PITPNC1: variants seen among roughly 807,000 people sequenced by gnomAD.
PITPNC1 encodes cytoplasmic phosphatidylinositol transfer protein 1.
Under a neutral mutation model 44.7 loss-of-function variants are expected in PITPNC1, and 18 were observed. That is an observed-to-expected ratio of 0.40 (90% CI 0.28 to 0.60). PITPNC1 has a LOEUF of 0.60. Ranked by LOEUF, PITPNC1 falls within the 20% of genes least tolerant of loss-of-function variation. The pLI is 0.39. For synonymous variants in PITPNC1, 141 were observed against 149.6 expected (o/e 0.94, Z 0.42); for missense variants, 290 against 418.4 (o/e 0.69, Z 2.68).
intron 1 of PITPNC1, among the ~76,000 whole-genome samples, chr17:67,427,374 C>G (rs1367444997): frequency 6.6e-6 from 1 of 152,020 alleles, no homozygotes; most frequent in Non-Finnish European, 1.5e-5. Flanking sequence ...CCACGCCCGG[C>G]TAATTTTTTT....
chr17:67,528,952 C>T (rs1345502828), intron 1 of PITPNC1, among the ~76,000 whole-genome samples: 1 of 152,060 alleles, frequency 6.6e-6, no homozygotes, highest in Non-Finnish European at 1.5e-5. Context: ...CCCATGGCCA[C>T]GACCAGCAAA....
intron 1 of PITPNC1, among the ~76,000 whole-genome samples, chr17:67,503,647 G>A (rs567641423): frequency 6.6e-6 from 1 of 152,166 alleles, no homozygotes; most frequent in Non-Finnish European, 1.5e-5. Flanking sequence ...ATCCTAATGG[G>A]GTACAGATGT....
chr17:67,422,007 GTGCGAGA>G, intron 1 of PITPNC1, among the ~76,000 whole-genome samples: 1 of 152,164 alleles, frequency 6.6e-6, no homozygotes, highest in Non-Finnish European at 1.5e-5. Context: ...GAAATTTACA[GTGCGAGA>G]TGAGCCAAGA....
intron 5 of PITPNC1, among the ~76,000 whole-genome samples, chr17:67,625,629 C>T (rs1441149722): frequency 6.6e-6 from 1 of 152,200 alleles, no homozygotes; most frequent in Non-Finnish European, 1.5e-5. Context: ...AATTACACCA[C>T]ATCAGGACCG....
intron 1 of PITPNC1, among the ~76,000 whole-genome samples, chr17:67,416,138 A>C (rs2038584616): frequency 6.6e-6 from 1 of 150,716 alleles, no homozygotes; most frequent in Admixed American, 6.6e-5. Context: ...TTAATTTTGG[A>C]CATAAGACTT....
At chr17:67,386,795 A>C (rs2038061253) in intron 1 of PITPNC1, among the ~76,000 whole-genome samples, 1 of 152,266 alleles carries the variant, frequency 6.6e-6, no homozygotes, top group Admixed American at 6.5e-5. Context: ...AAAACTAGGT[A>C]ACACTTTTGC....
At chr17:67,599,034 A>ATATATATATATATATATT (rs1461493250) in intron 5 of PITPNC1, among the ~76,000 whole-genome samples, 3 of 35,668 alleles carry the variant, frequency 8.4e-5, no homozygotes, top group African/African-American at 1.1e-4. Context: ...ATATATATAT[A>ATATATATATATATATATT]TTTTTTTTTT....
chr17:67,671,290 A>G (rs973658590), intron 7 of PITPNC1, among the ~76,000 whole-genome samples: 2 of 152,188 alleles, frequency 1.3e-5, no homozygotes, highest in African/African-American at 4.8e-5. Context: ...GGGAAATGCA[A>G]TGTTGAGCAT....
intron 5 of PITPNC1, among the ~76,000 whole-genome samples, chr17:67,592,946 G>A (rs2144259433): frequency 6.6e-6 from 1 of 152,300 alleles, no homozygotes; most frequent in African/African-American, 2.4e-5. Flanking sequence ...ACTGAGGCAG[G>A]AGGATCACTT....
At chr17:67,504,772 ATTAAT>A (rs2040079669) in intron 1 of PITPNC1, among the ~76,000 whole-genome samples, 1 of 152,132 alleles carries the variant, frequency 6.6e-6, no homozygotes, top group Non-Finnish European at 1.5e-5. Flanking sequence ...AGGTTAATTA[ATTAAT>A]TTAGGTTTGA....
At chr17:67,624,746 C>A (rs117440544) in intron 5 of PITPNC1, among the ~76,000 whole-genome samples, 11,738 of 151,628 alleles carry the variant, frequency 0.077, 578 homozygotes, top group South Asian at 0.13. Flanking sequence ...TGGTCTCAAA[C>A]TCCTGACCTC....
intron 6 of PITPNC1, among the ~76,000 whole-genome samples, chr17:67,652,192 G>A (rs1426470768): frequency 6.6e-6 from 1 of 152,162 alleles, no homozygotes; most frequent in African/African-American, 2.4e-5. Context: ...ATTAATCATG[G>A]AGACTTCATA....
intron 1 of PITPNC1, among the ~76,000 whole-genome samples, chr17:67,466,456 A>G (rs2039429526): frequency 6.6e-6 from 1 of 152,176 alleles, no homozygotes; most frequent in Admixed American, 6.5e-5. Context: ...TTAGTAGCTG[A>G]AACTCACAGC....
Position 67,471,443 on chromosome 17 carries a change from G to GAATTC in PITPNC1, c.49-61358_49-61357insATTCA, listed in dbSNP as rs759553055. ...ACATTCACATACAAGTCCTTGTGTGGACCTACGTCTTCATTTGAGAGATTT... is the reference window on the plus strand; with the variant it reads ...ACATTCACATACAAGTCCTTGTGTGGAATTCACCTACGTCTTCATTTGAGAGATTT... On this transcript the variant is annotated intron_variant, in intron 1 of 8. Transcript: ENST00000581322. 7.2e-3 allele frequency: 2,615 copies of GAATTC among 360,714 alleles called. 79 individuals are homozygous for GAATTC. In the East Asian group the frequency reaches 0.11, roughly 15 times the overall value. 22.3% of individuals were successfully genotyped at this position (360,714 alleles called of 1,614,324 possible).
chr17:67,485,429 A>G (rs545091717), intron 1 of PITPNC1, among the ~76,000 whole-genome samples: 1 of 135,458 alleles, frequency 7.4e-6, no homozygotes, highest in East Asian at 2.1e-4. Flanking sequence ...CAGTGGTGTG[A>G]TCTTGGCTCA....
chr17:67,468,493 C>A lies in PITPNC1; in HGVS notation c.49-64309C>A, dbSNP rs568653546. ...CTCGGCTCACTGCAAGCTCTGCCTCCCAGGTTCTGGCCATTCTCCTGCCTC... is the reference window on the plus strand; with the variant it reads ...CTCGGCTCACTGCAAGCTCTGCCTCACAGGTTCTGGCCATTCTCCTGCCTC... On this transcript the variant is annotated intron_variant, in intron 1 of 8. Transcript: ENST00000581322. Among the ~76,000 whole-genome samples, 21 of 150,552 alleles carry A rather than the reference C, an allele frequency of 1.4e-4. No individual in the cohort carries two copies. In the South Asian group the frequency reaches 4.2e-3, roughly 30 times the overall value.
rs557195590 is a variant in PITPNC1 at position 67,472,523 on chromosome 17, T to C, written c.49-60279T>C. 2.7e-3 allele frequency among the ~76,000 whole-genome samples: 409 copies of C among 151,056 alleles called. 6 individuals carry two copies. Among genetic ancestry groups the C allele is most frequent in the Non-Finnish European group, 4.0e-3 (268 of 67,774 alleles). On this transcript the variant is annotated intron_variant, in intron 1 of 8. Transcript: ENST00000581322. ...TTAGCCGGGCGTGGTGGTGGGCGCC[T>C]GTAGTCCCAGCTACTCAGGAGGCTG...
At chr17:67,649,390 C>A (rs770658888) in intron 6 of PITPNC1, among the ~76,000 whole-genome samples, 1 of 152,188 alleles carries the variant, frequency 6.6e-6, no homozygotes, top group Non-Finnish European at 1.5e-5. Context: ...CGGGGGCATC[C>A]CCTTGGGCAT....
In PITPNC1 at chr17:67,692,893, A is replaced by G. The variant is rs756781745; in HGVS notation, c.*5A>G. On this transcript the variant is annotated 3_prime_UTR_variant, in exon 9 of 9. Coordinates refer to ENST00000581322, the MANE Select transcript of PITPNC1 (RefSeq NM_012417.4). ...TGTCGGCCCAAATCTGAGTAACTTT[A>G]TATAAATATCTCATGGGGTTTTATA... is the stretch of plus-strand genomic sequence containing the variant. 7 of 1,509,482 alleles carry G rather than the reference A, an allele frequency of 4.6e-6. No homozygotes were observed. The highest frequency in any genetic ancestry group is 1.4e-5 in the African/African-American group (1 of 71,964). 93.5% of individuals were successfully genotyped at this position (1,509,482 alleles called of 1,614,324 possible).
Sources: allele counts gnomAD v4.1 joint callset (sites outside exome capture counted in the v4.1 genomes callset), GRCh38; gene constraint gnomAD v4.1.1; transcripts MANE v1.5; gene names NCBI Gene and HGNC (gene_info 2026-07-23, HGNC 2026-07-21).